Variants in ZMIZ1 observed in about 807,000 individuals in gnomAD.
ZMIZ1 encodes the protein zinc finger MIZ-type containing 1.
ZMIZ1 carries 17 observed loss-of-function variants against 113.9 expected under a neutral mutation model. That is an observed-to-expected ratio of 0.15 (90% confidence interval 0.10 to 0.22). ZMIZ1 has a LOEUF of 0.22. Among genes scored for constraint, ZMIZ1 ranks in the 10% least tolerant of loss-of-function variants. The pLI is 1.00. For synonymous variants in ZMIZ1, 607 were observed against 603.1 expected (o/e 1.01, Z -0.09); for missense variants, 1,059 against 1,477.8 (o/e 0.72, Z 4.65).
chr10:79,159,239 C>G (rs917081041), intron 3 of ZMIZ1, among the ~76,000 whole-genome samples: 2 of 152,218 alleles, frequency 1.3e-5, no homozygotes, highest in African/African-American at 4.8e-5. Flanking sequence ...TGGGAGCAAA[C>G]GGGGCTACAC....
chr10:79,215,703 G>C lies in ZMIZ1; in HGVS notation c.175-466G>C, dbSNP rs73302164. On this transcript the variant is annotated intron_variant, in intron 6 of 24. Coordinates refer to ENST00000334512, the MANE Select transcript of ZMIZ1 (RefSeq NM_020338.4). ...CCCCTGTGGTGCTGATAGCCCTGGAGTAGGAAGGGCAGTGAGCCCTCCCCA... is the reference window on the plus strand; with the variant it reads ...CCCCTGTGGTGCTGATAGCCCTGGACTAGGAAGGGCAGTGAGCCCTCCCCA... Among the ~76,000 whole-genome samples the C allele has an allele frequency of 2.4e-3, 370 of 152,270 alleles. 3 individuals are homozygous for C. The highest frequency in any genetic ancestry group is 8.5e-3 in the African/African-American group (351 of 41,536).
At chr10:79,295,749 C>T (rs1166691196) in intron 12 of ZMIZ1, 1 of 152,278 alleles carries the variant, frequency 6.6e-6, no homozygotes, top group African/African-American at 2.4e-5. Context: ...AACAGGACCT[C>T]TGGGCAAGAG....
At chr10:79,224,924 C>A (rs933457062) in intron 7 of ZMIZ1, among the ~76,000 whole-genome samples, 1 of 152,162 alleles carries the variant, frequency 6.6e-6, no homozygotes, top group Non-Finnish European at 1.5e-5. Context: ...AAGCACGTAA[C>A]CTGCTGTGGA....
At chr10:79,298,023 G>C (rs150967249) in intron 14 of ZMIZ1, among the ~76,000 whole-genome samples, 1 of 152,298 alleles carries the variant, frequency 6.6e-6, no homozygotes, top group Non-Finnish European at 1.5e-5. Flanking sequence ...GCCTTGAGTC[G>C]TGATGTGGGA....
intron 7 of ZMIZ1, among the ~76,000 whole-genome samples, chr10:79,223,898 G>C (rs973986473): frequency 1.3e-5 from 2 of 152,210 alleles, no homozygotes; most frequent in African/African-American, 2.4e-5. Context: ...AAAAGGGATG[G>C]TTTATGGACA....
At chr10:79,198,254 A>AAAAC (rs56333846) in intron 4 of ZMIZ1, among the ~76,000 whole-genome samples, 2,151 of 152,242 alleles carry the variant, frequency 0.014, 33 homozygotes, top group African/African-American at 0.022. Context: ...CTCTGTCTCA[A>AAAAC]AAACAAACAA....
chr10:79,275,299 G>A (rs1852206465), intron 7 of ZMIZ1, among the ~76,000 whole-genome samples: 2 of 152,212 alleles, frequency 1.3e-5, no homozygotes, highest in South Asian at 4.1e-4. Context: ...TCCTTTTGAG[G>A]GTGGTGGCAA....
At chr10:79,113,401 T>TAA (rs1843834242) in intron 1 of ZMIZ1, among the ~76,000 whole-genome samples, 1 of 152,222 alleles carries the variant, frequency 6.6e-6, no homozygotes, top group Non-Finnish European at 1.5e-5. Context: ...GTGGAGGTGC[T>TAA]GCTGCCCGGG....
At chr10:79,152,550 A>G (rs757730771) in intron 3 of ZMIZ1, among the ~76,000 whole-genome samples, 1 of 152,370 alleles carries the variant, frequency 6.6e-6, no homozygotes, top group Non-Finnish European at 1.5e-5. Flanking sequence ...AAGTTAAATC[A>G]GATCTCCGGG....
At chr10:79,135,399 C>T (rs1326329195) in intron 2 of ZMIZ1, among the ~76,000 whole-genome samples, 1 of 152,154 alleles carries the variant, frequency 6.6e-6, no homozygotes, top group Non-Finnish European at 1.5e-5. Context: ...AGTCATTTGT[C>T]CTCCTAAAGG....
At chr10:79,127,176 A>G (rs1272417874) in intron 2 of ZMIZ1, among the ~76,000 whole-genome samples, 1 of 152,180 alleles carries the variant, frequency 6.6e-6, no homozygotes, top group African/African-American at 2.4e-5. Flanking sequence ...CCTGATGCAG[A>G]GGAAATGCCA....
At chr10:79,301,352 C>T (rs1454230656) in intron 17 of ZMIZ1, among the ~76,000 whole-genome samples, 1 of 152,130 alleles carries the variant, frequency 6.6e-6, no homozygotes, top group South Asian at 2.1e-4. Context: ...AGACCCAACG[C>T]CCCCAAACCT....
At chr10:79,306,071 C>T (rs1361688977) in intron 21 of ZMIZ1, 29 bp from the exon 22 acceptor site, 2 of 1,602,696 alleles carry the variant, frequency 1.2e-6, no homozygotes, top group Non-Finnish European at 1.7e-6. Flanking sequence ...CACCCCGGAG[C>T]CTCAGCTCTG....
intron 7 of ZMIZ1, among the ~76,000 whole-genome samples, chr10:79,260,589 G>A (rs1225279709): frequency 6.6e-6 from 1 of 152,208 alleles, no homozygotes; most frequent in African/African-American, 2.4e-5. Flanking sequence ...ATGGCAACAG[G>A]GAGGCGTCAA....
intron 4 of ZMIZ1, among the ~76,000 whole-genome samples, chr10:79,194,839 C>T (rs2132626066): frequency 6.6e-6 from 1 of 152,358 alleles, no homozygotes; most frequent in South Asian, 2.1e-4. Context: ...CCAGGCGCCG[C>T]TAAGCATAGA....
intron 7 of ZMIZ1, among the ~76,000 whole-genome samples, chr10:79,267,397 C>G (rs565196974): frequency 7.2e-5 from 11 of 152,214 alleles, no homozygotes; most frequent in African/African-American, 2.7e-4. Flanking sequence ...CCCTCTGCAT[C>G]CCAAGGGAAC....
At position 79,314,108 on chromosome 10, in the gene ZMIZ1, C is replaced by T. The variant is rs147393853; in HGVS notation, c.*1359C>T. ...CACCATCACAATCTCACCCAAACTC[C>T]TGCTCACTCAAGCAAAAGCAGCCTC... On this transcript the variant is annotated 3_prime_UTR_variant, in exon 25 of 25. Coordinates refer to ENST00000334512, the MANE Select transcript of ZMIZ1 (RefSeq NM_020338.4). The T allele has an allele frequency of 7.2e-4, 327 of 456,972 alleles. 3 individuals carry two copies. The East Asian group carries it at 0.019, about 27-fold the overall frequency. The allele number at this position is 456,972 out of a possible 1,614,324, so 28.3% of individuals were successfully genotyped here.
intron 1 of ZMIZ1, among the ~76,000 whole-genome samples, chr10:79,079,006 A>G (rs1350358547): frequency 6.6e-6 from 1 of 152,196 alleles, no homozygotes; most frequent in Non-Finnish European, 1.5e-5. Flanking sequence ...CCTTTCACAG[A>G]GGAGAGGAGG....
At chr10:79,141,358 G>A (rs1264962367) in intron 3 of ZMIZ1, among the ~76,000 whole-genome samples, 1 of 152,164 alleles carries the variant, frequency 6.6e-6, no homozygotes. Context: ...AAGTGAATAG[G>A]TCAGGTGACG....
Sources: gnomAD v4.1 joint callset for allele counts (sites outside exome capture counted in the v4.1 genomes callset) on GRCh38, gnomAD v4.1.1 for gene constraint, MANE v1.5 for transcripts, NCBI Gene and HGNC (gene_info 2026-07-23, HGNC 2026-07-21) for gene names.